The following SPTSSA variants were observed in gnomAD, a reference collection of about 807,000 sequenced individuals.
SPTSSA encodes small subunit of serine palmitoyltransferase A.
A neutral mutation model predicts 9.1 loss-of-function variants in SPTSSA; 8 were observed. The observed-to-expected ratio is 0.88, with a 90% confidence interval of 0.51 to 1.58. SPTSSA has a LOEUF of 1.58. SPTSSA is among the 40% of genes most tolerant of loss of function. SPTSSA has a pLI of 0.00. For synonymous variants in SPTSSA, 42 were observed against 37.7 expected, an observed-to-expected ratio of 1.11 and a Z score of -0.41; for missense variants, 100 against 93.8, an observed-to-expected ratio of 1.07 and a Z score of -0.27.
chr14:34,435,168 C>T lies in SPTSSA; in HGVS notation c.*33G>A, dbSNP rs1236353987. ...TTCCAACTTCGTAGGGTGGGTCTTC[C>T]CCAAGGAACCTCTGATCCTGGTCGC... On this transcript the variant is annotated 3_prime_UTR_variant, in exon 2 of 2. Transcript: ENST00000298130. 5 of 1,575,688 alleles carry T rather than the reference C, an allele frequency of 3.2e-6. No homozygotes were observed. The highest frequency in any genetic ancestry group is 4.4e-6 in the Non-Finnish European group (5 of 1,148,790).
intron 1 of SPTSSA, among the ~76,000 whole-genome samples, chr14:34,445,878 C>A (rs150236118): frequency 9.9e-5 from 15 of 152,258 alleles, no homozygotes; most frequent in African/African-American, 3.4e-4. Flanking sequence ...CCAAATCAAA[C>A]CAGTTGATAC....
chr14:34,458,360 T>C (rs1162812264), intron 1 of SPTSSA, among the ~76,000 whole-genome samples: 3 of 152,008 alleles, frequency 2.0e-5, no homozygotes, highest in African/African-American at 7.2e-5. Flanking sequence ...ATATTTGCAT[T>C]TTTAGTACAG....
chr14:34,436,984 T>TA (rs2138816104), intron 1 of SPTSSA, among the ~76,000 whole-genome samples: 1 of 152,252 alleles, frequency 6.6e-6, no homozygotes, highest in African/African-American at 2.4e-5. Context: ...GCTGCTTCTA[T>TA]ATCATTGGCA....
At chr14:34,447,851 C>G (rs1883448711) in intron 1 of SPTSSA, among the ~76,000 whole-genome samples, 1 of 152,194 alleles carries the variant, frequency 6.6e-6, no homozygotes, top group Middle Eastern at 3.2e-3. Context: ...CCCATTAAAT[C>G]TTTTAACCAA....
At position 34,433,434 on chromosome 14, in the gene SPTSSA, C is replaced by T. The variant is rs183349193; in HGVS notation, c.*1767G>A. ...AAGCCAAATTTGGGCATTAATAGAA[C>T]AAATCTTATGTTAAATCCTCGTATT... is the stretch of plus-strand genomic sequence containing the variant. On this transcript the variant is annotated 3_prime_UTR_variant, in exon 2 of 2. Transcript: ENST00000298130. 6.6e-6 allele frequency: 1 copy of T among 152,148 alleles called. No individual in the cohort carries two copies. The highest frequency in any genetic ancestry group is 6.5e-5 in the Admixed American group (1 of 15,276). The allele number at this position is 152,148 out of a possible 1,614,324, so 9.4% of individuals were successfully genotyped here.
At chr14:34,437,463 A>G (rs1299111016) in intron 1 of SPTSSA, among the ~76,000 whole-genome samples, 1 of 152,220 alleles carries the variant, frequency 6.6e-6, no homozygotes, top group Non-Finnish European at 1.5e-5. Context: ...AGACTAACCC[A>G]TCTTCATGGA....
At chr14:34,461,875 G>A (rs1170186786) in intron 1 of SPTSSA, among the ~76,000 whole-genome samples, 1 of 152,022 alleles carries the variant, frequency 6.6e-6, no homozygotes, top group Admixed American at 6.6e-5. Flanking sequence ...CGACTCACAG[G>A]TGACCCCGGA....
intron 1 of SPTSSA, among the ~76,000 whole-genome samples, chr14:34,459,547 G>A: frequency 6.6e-6 from 1 of 151,846 alleles, no homozygotes; most frequent in Non-Finnish European, 1.5e-5. Context: ...TTGGGAGGCT[G>A]CAGTGGGCAG....
At position 34,434,231 on chromosome 14, in the gene SPTSSA, AT is replaced by A. The variant is rs1883204370; in HGVS notation, c.*969del. The A allele has an allele frequency of 6.6e-6, 1 of 152,596 alleles. No homozygotes were observed. Among genetic ancestry groups the A allele is most frequent in the South Asian group, 2.1e-4 (1 of 4,834 alleles). 9.5% of individuals were successfully genotyped at this position (152,596 alleles called of 1,614,324 possible). On this transcript the variant is annotated 3_prime_UTR_variant, in exon 2 of 2. Transcript: ENST00000298130. ...TAGGTAGTCATTTTACATTTAAGGAATAAAAACCTTAAAAAAAACAATACAA... is the reference window on the plus strand; with the variant it reads ...TAGGTAGTCATTTTACATTTAAGGAAAAAAACCTTAAAAAAAACAATACAA...
chr14:34,440,985 T>A (rs188218919), intron 1 of SPTSSA, among the ~76,000 whole-genome samples: 2 of 152,352 alleles, frequency 1.3e-5, no homozygotes, highest in Admixed American at 6.5e-5. Flanking sequence ...AAAGCATGAT[T>A]TTTTAATTCT....
intron 1 of SPTSSA, among the ~76,000 whole-genome samples, chr14:34,439,010 AT>A (rs1883281033): frequency 6.6e-6 from 1 of 152,192 alleles, no homozygotes. Flanking sequence ...TGAGACAGGG[AT>A]TCTTGTGCAA....
intron 1 of SPTSSA, among the ~76,000 whole-genome samples, chr14:34,448,396 T>C (rs1432423110): frequency 6.6e-6 from 1 of 152,014 alleles, no homozygotes; most frequent in Non-Finnish European, 1.5e-5. Flanking sequence ...CCCATAAAGA[T>C]TTATGGGGAT....
chr14:34,444,682 G>A (rs1392652425), intron 1 of SPTSSA, among the ~76,000 whole-genome samples: 1 of 151,322 alleles, frequency 6.6e-6, no homozygotes, highest in Non-Finnish European at 1.5e-5. Context: ...AACCCAGGAG[G>A]TGGAGGTTGC....
At chr14:34,452,583 T>C (rs1454344156) in intron 1 of SPTSSA, among the ~76,000 whole-genome samples, 2 of 152,190 alleles carry the variant, frequency 1.3e-5, no homozygotes, top group African/African-American at 2.4e-5. Flanking sequence ...AGCATGCTGC[T>C]GAAATGAGTA....
At chr14:34,460,015 T>C (rs1878585686) in intron 1 of SPTSSA, among the ~76,000 whole-genome samples, 1 of 152,184 alleles carries the variant, frequency 6.6e-6, no homozygotes, top group Non-Finnish European at 1.5e-5. Context: ...TTAATGGATT[T>C]ATGAAATTCA....
At chr14:34,456,105 C>T (rs538212733) in intron 1 of SPTSSA, among the ~76,000 whole-genome samples, 2 of 151,954 alleles carry the variant, frequency 1.3e-5, no homozygotes, top group Admixed American at 6.6e-5. Context: ...AGGCGGATCA[C>T]GAGGTCAGGA....
rs923773068 is a variant in SPTSSA, at chr14:34,447,146, T to C, written c.113-11842A>G. 2.0e-5 allele frequency among the ~76,000 whole-genome samples: 3 copies of C among 146,416 alleles called. No individual in the cohort carries two copies. The South Asian group carries it at 6.4e-4, about 31-fold the overall frequency. On this transcript the variant is annotated intron_variant, in intron 1 of 1. Coordinates refer to ENST00000298130, the MANE Select transcript of SPTSSA (RefSeq NM_138288.4). ...GGCTGAGGCAGGAGAATCGCTTAAA[T>C]CTGTGAGGTGGAGGTTTCAGTGAGC...
intron 1 of SPTSSA, among the ~76,000 whole-genome samples, chr14:34,458,979 A>G (rs1395263212): frequency 5.6e-5 from 8 of 142,654 alleles, no homozygotes; most frequent in Non-Finnish European, 1.2e-4. Flanking sequence ...ATCTCGGCTC[A>G]CTGCAACCTC....
intron 1 of SPTSSA, among the ~76,000 whole-genome samples, chr14:34,452,743 T>C (rs566150775): frequency 1.3e-5 from 2 of 152,290 alleles, no homozygotes; most frequent in African/African-American, 4.8e-5. Context: ...GAAGTCCCAG[T>C]GTTATGGGGA....
Sources: allele counts gnomAD v4.1 joint callset (sites outside exome capture counted in the v4.1 genomes callset), GRCh38; gene constraint gnomAD v4.1.1; transcripts MANE v1.5; gene names NCBI Gene and HGNC (gene_info 2026-07-23, HGNC 2026-07-21).